BAIAP2L2: variants seen among roughly 807,000 people sequenced by gnomAD.
BAIAP2L2 encodes BAR/IMD domain containing adaptor protein 2 like 2, also known as BAR/IMD domain-containing adapter protein 2-like 2.
A neutral mutation model predicts 60.4 loss-of-function variants in BAIAP2L2; 65 were observed. The ratio of observed to expected loss-of-function variants is 1.08; its 90% CI spans 0.88 to 1.32. The LOEUF (loss-of-function observed/expected upper bound fraction) is 1.32. BAIAP2L2 is among the 40% of genes most tolerant of loss of function. The pLI, the probability that BAIAP2L2 is intolerant of heterozygous loss-of-function variation, is 0.00. For synonymous variants in BAIAP2L2, 344 were observed against 301.7 expected, an observed-to-expected ratio of 1.14 and a Z score of -1.45; for missense variants, 836 against 741.2, an observed-to-expected ratio of 1.13 and a Z score of -1.48.
At position 38,103,098 on chromosome 22, in the gene BAIAP2L2, C is replaced by T. The variant is rs1460698946; in HGVS notation, c.277-4616G>A. Among the ~76,000 whole-genome samples the T allele has an allele frequency of 3.3e-5, 5 of 151,710 alleles. No homozygotes were observed. The East Asian group carries it at 9.6e-4, about 29-fold the overall frequency. ...AGGCACGGTGGCATTTTCTTATAGT[C>T]CCAGCTACTTGGGAGGCTGAGGCAG... On this transcript the variant is annotated intron_variant, in intron 4 of 13. Transcript: ENST00000381669.
At chr22:38,101,341 T>C (rs1239726704) in intron 4 of BAIAP2L2, among the ~76,000 whole-genome samples, 1 of 128,640 alleles carries the variant, frequency 7.8e-6, no homozygotes, top group Non-Finnish European at 1.6e-5. Context: ...CAGACCAGCC[T>C]GGGCAACATA....
Position 38,085,742 on chromosome 22 carries a change from GGGTGGGGAAGGGCTGGTTT to G in BAIAP2L2, c.1468-29_1468-11del. ...CTGAGGACATCAGTTTCTGCAGTGGGGGTGGGGAAGGGCTGGTTTGGTGGGGAGAGGGGCAAGCAATCCC... is the reference window on the plus strand; with the variant it reads ...CTGAGGACATCAGTTTCTGCAGTGGGGGTGGGGAGAGGGGCAAGCAATCCC... On this transcript the variant is annotated splice_polypyrimidine_tract_variant and intron_variant, in intron 12 of 13. Coordinates refer to ENST00000381669, the MANE Select transcript of BAIAP2L2 (RefSeq NM_025045.6). The G allele has an allele frequency of 1.3e-6, 2 of 1,589,880 alleles. No individual in the cohort carries two copies. Among genetic ancestry groups the G allele is most frequent in the East Asian group, 4.5e-5 (2 of 44,664 alleles).
intron 9 of BAIAP2L2, 53 bp downstream of exon 9, chr22:38,089,037 GCAGCCC>G (rs1022373536): frequency 7.1e-7 from 1 of 1,415,126 alleles, no homozygotes; most frequent in African/African-American, 1.5e-5. Flanking sequence ...CCCTCCTGCT[GCAGCCC>G]CACCCCCGCG....
At chr22:38,100,409 C>T (rs953966840) in intron 4 of BAIAP2L2, among the ~76,000 whole-genome samples, 2 of 152,024 alleles carry the variant, frequency 1.3e-5, no homozygotes, top group African/African-American at 4.8e-5. Flanking sequence ...GCCTGTAATC[C>T]CAGCTACTCG....
chr22:38,109,291 G>A (rs1414956115), intron 1 of BAIAP2L2, 83 bp from the exon 2 acceptor site: 94 of 1,131,070 alleles, frequency 8.3e-5, no homozygotes, highest in South Asian at 3.3e-4. Flanking sequence ...GTCACCAGGC[G>A]TCAGGGACAG....
intron 7 of BAIAP2L2, among the ~76,000 whole-genome samples, chr22:38,096,569 C>T (rs985133178): frequency 2.0e-5 from 3 of 152,136 alleles, no homozygotes; most frequent in African/African-American, 2.4e-5. Context: ...GCAGGAGAAT[C>T]GCTTGAACCC....
chr22:38,108,498 A>G (rs1419079174), intron 2 of BAIAP2L2, among the ~76,000 whole-genome samples, 157 bp from the exon 3 acceptor site: 1 of 152,074 alleles, frequency 6.6e-6, no homozygotes, highest in African/African-American at 2.4e-5. Context: ...TGTGAAACTC[A>G]GGTGCAGGGG....
In BAIAP2L2 at chr22:38,089,502, G is replaced by A. The variant is rs1601998074; in HGVS notation, c.765+20C>T. The A allele has an allele frequency of 2.4e-5, 29 of 1,194,712 alleles. 1 individual carries two copies. The South Asian group carries it at 9.6e-4, about 39-fold the overall frequency. 74.0% of individuals were successfully genotyped at this position (1,194,712 alleles called of 1,614,324 possible). The stretch of plus-strand genomic sequence containing the variant: ...GGGCGGCGGGGGCGCGAACGGCGGC[G>A]GGGGCGCCCAGGGCCTCACCATGTC... On this transcript the variant is annotated intron_variant, in intron 8 of 13. Coordinates refer to ENST00000381669, the MANE Select transcript of BAIAP2L2 (RefSeq NM_025045.6).
chr22:38,110,743 G>A (rs1323058863), upstream of BAIAP2L2: 17 of 541,112 alleles, frequency 3.1e-5, no homozygotes, highest in South Asian at 2.4e-4. Flanking sequence ...AACCAGATCC[G>A]GCAGGGAAGG....
At chr22:38,099,084 C>T (rs1381954278) in intron 4 of BAIAP2L2, among the ~76,000 whole-genome samples, 2 of 152,220 alleles carry the variant, frequency 1.3e-5, no homozygotes, top group African/African-American at 4.8e-5. Flanking sequence ...GTTCCCATGG[C>T]AAGTGGATGT....
At chr22:38,093,022 C>T (rs1229615181) in intron 7 of BAIAP2L2, among the ~76,000 whole-genome samples, 1 of 151,988 alleles carries the variant, frequency 6.6e-6, no homozygotes, top group Non-Finnish European at 1.5e-5. Context: ...CAAAAATTAA[C>T]GGGCATGGTG....
intron 5 of BAIAP2L2, 31 bp from the exon 6 acceptor site, chr22:38,098,210 T>TC (rs1261648616): frequency 1.2e-6 from 2 of 1,604,116 alleles, no homozygotes; most frequent in South Asian, 1.1e-5. Context: ...GGAGGGAGAA[T>TC]CCCCCCACAT....
intron 1 of BAIAP2L2, among the ~76,000 whole-genome samples, chr22:38,109,989 C>CG (rs1043085406): frequency 9.2e-5 from 13 of 141,816 alleles, no homozygotes; most frequent in African/African-American, 3.6e-4. Context: ...AACAACCCCC[C>CG]GGGGGTGAAG....
intron 7 of BAIAP2L2, chr22:38,090,888 T>G (rs946066751): frequency 6.6e-6 from 1 of 152,184 alleles, no homozygotes; most frequent in African/African-American, 2.4e-5. Context: ...ACGGGAAGGC[T>G]TGGTGCCTCC....
intron 7 of BAIAP2L2, chr22:38,094,056 G>C (rs2086370113): frequency 4.4e-6 from 2 of 454,710 alleles, no homozygotes; most frequent in Admixed American, 2.4e-5. Flanking sequence ...AGTCGCAAAA[G>C]AGCACACACA....
At chr22:38,106,818 C>G (rs11089861) in intron 4 of BAIAP2L2, among the ~76,000 whole-genome samples, 54,318 of 152,056 alleles carry the variant, frequency 0.36, 13,256 homozygotes, top group African/African-American at 0.7. Flanking sequence ...TTCTCTCCAT[C>G]TAGCCAAGCT....
Position 38,109,203 on chromosome 22 carries a change from G to C in BAIAP2L2, c.57C>G (p.Ile19Met), listed in dbSNP as rs2086736441. Residue 19 changes from isoleucine (I) to methionine (M), a missense_variant, in exon 2 of 14, where the codon ATC becomes ATG. Ile to Met is a conservative substitution (Grantham distance 10, BLOSUM62 1). Transcript: ENST00000381669. ...CCAGGGCGGGGTTAAACTGCTCCAT[G>C]ATGCTCTGGACCCCAGGGTCAGGGG... ...YRSTMAIYKSIMEQFNPALEN... is the reference protein window; with the variant it reads ...YRSTMAIYKSMMEQFNPALEN... The C allele has an allele frequency of 1.2e-6, 2 of 1,611,288 alleles. No individual in the cohort carries two copies. Among genetic ancestry groups the C allele is most frequent in the Admixed American group, 3.3e-5 (2 of 59,956 alleles).
Position 38,084,909 on chromosome 22 carries a change from ACTTC to A in BAIAP2L2, c.*387_*390del, listed in dbSNP as rs917197109. ...CCTGCTGCCGCATCACTTTGCGTCC[ACTTC>A]CTTTATTTCTCATCATTTACAAAAG... On this transcript the variant is annotated 3_prime_UTR_variant, in exon 14 of 14. Transcript: ENST00000381669. The A allele has an allele frequency of 4.8e-5, 9 of 187,118 alleles. No individual in the cohort carries two copies. The highest frequency in any genetic ancestry group is 1.9e-4 in the South Asian group (2 of 10,668). 11.6% of individuals were successfully genotyped at this position (187,118 alleles called of 1,614,324 possible).
chr22:38,090,959 G>GTAAC (rs2086284377), intron 7 of BAIAP2L2: 1 of 152,242 alleles, frequency 6.6e-6, no homozygotes, highest in South Asian at 2.1e-4. Flanking sequence ...TTTCCCTGCA[G>GTAAC]TAACTAATTA....
Sources: gnomAD v4.1 joint callset for allele counts (sites outside exome capture counted in the v4.1 genomes callset) on GRCh38, gnomAD v4.1.1 for gene constraint, MANE v1.5 for transcripts, NCBI Gene and HGNC (gene_info 2026-07-23, HGNC 2026-07-21) for gene names.